The following MRPL38 variants were observed in gnomAD, a reference collection of about 807,000 sequenced individuals.
MRPL38 encodes the protein mitochondrial ribosomal protein L38.
In MRPL38, 51 loss-of-function variants were observed where a neutral mutation model predicts 52.1. That is an observed-to-expected ratio of 0.98 (90% CI 0.78 to 1.24). The LOEUF (loss-of-function observed/expected upper bound fraction) is 1.24. MRPL38 is among the 50% of genes most tolerant of loss of function. MRPL38 has a pLI of 0.00. For synonymous variants in MRPL38, 245 were observed against 212.7 expected, an observed-to-expected ratio of 1.15 and a Z score of -1.32; for missense variants, 527 against 518.6, an observed-to-expected ratio of 1.02 and a Z score of -0.16.
chr17:75,902,105 C>T lies in MRPL38; in HGVS notation c.297G>A (p.Arg99=). 6.3e-7 allele frequency: 1 copy of T among 1,598,224 alleles called. No individual in the cohort carries two copies. Residue 99 remains arginine (R), a synonymous_variant, in exon 3 of 9, where the codon CGG becomes CGA. Coordinates refer to ENST00000309352, the MANE Select transcript of MRPL38 (RefSeq NM_032478.4). ...GTTTCCGTTCCAGTAGCTGTTGGGTCCGGGAGACTTTGGGTGGAGGCAGCC... is the reference window on the plus strand; with the variant it reads ...GTTTCCGTTCCAGTAGCTGTTGGGTTCGGGAGACTTTGGGTGGAGGCAGCC... ...DIGLPPPKVS[R]TQQLLERKQA...
In MRPL38 at chr17:75,898,657, C is replaced by A; in HGVS notation, c.*193G>T. The A allele has an allele frequency of 1.6e-6, 1 of 619,024 alleles. No homozygotes were observed. The allele number at this position is 619,024 out of a possible 1,614,324, so 38.3% of individuals were successfully genotyped here. ...TGAGCCACCAAGCCCGGCAAGAAAT[C>A]ATGTTTATTCACATTCCCCACCCCA... On this transcript the variant is annotated 3_prime_UTR_variant, in exon 9 of 9. Coordinates refer to ENST00000309352, the MANE Select transcript of MRPL38 (RefSeq NM_032478.4).
At position 75,901,711 on chromosome 17, in the gene MRPL38, C is replaced by T; in HGVS notation, c.591+1G>A. 6.2e-7 allele frequency: 1 copy of T among 1,613,616 alleles called. No individual in the cohort carries two copies. Among genetic ancestry groups the T allele is most frequent in the Non-Finnish European group, 8.5e-7 (1 of 1,179,682 alleles). On this transcript the variant is annotated splice_donor_variant, in intron 4 of 8. Coordinates refer to ENST00000309352, the MANE Select transcript of MRPL38 (RefSeq NM_032478.4). LOFTEE classifies it high-confidence loss of function. The surrounding 1 kb of genome is among the most constrained non-coding windows in gnomAD (Gnocchi z 5.7). Reference sequence around the variant, plus strand: ...GAGGAGGGGCACAAGTGAGTGGTTACCTCGGTTGGAGTCACCTCATTGCCA... The same window carrying T: ...GAGGAGGGGCACAAGTGAGTGGTTATCTCGGTTGGAGTCACCTCATTGCCA...
chr17:75,899,709 C>G, intron 6 of MRPL38, 35 bp from the exon 7 acceptor site: 2 of 1,517,054 alleles, frequency 1.3e-6, no homozygotes, highest in Non-Finnish European at 1.8e-6. Flanking sequence ...ATTACCACTC[C>G]AGGGAGGCAG....
chr17:75,899,574 G>A lies in MRPL38; in HGVS notation c.811C>T (p.Leu271=), dbSNP rs1316519004. Reference sequence around the variant, plus strand: ...ATCGGCTGGTCCTGCTTGAAGAGCAGGAAGGCAAGACGGTGGATGCCGGAG... The same window carrying A: ...ATCGGCTGGTCCTGCTTGAAGAGCAAGAAGGCAAGACGGTGGATGCCGGAG... ...RGSGIHRLAF[L]LFKQDQPIDF... Residue 271 remains leucine (L), a synonymous_variant, in exon 7 of 9, where the codon CTG becomes TTG. Transcript: ENST00000309352. The A allele has an allele frequency of 1.2e-6, 2 of 1,608,198 alleles. No individual in the cohort carries two copies. Among genetic ancestry groups the A allele is most frequent in the Non-Finnish European group, 1.7e-6 (2 of 1,176,586 alleles).
chr17:75,902,696 A>C lies in MRPL38; in HGVS notation c.248-542T>G, dbSNP rs556578561. On this transcript the variant is annotated intron_variant, in intron 2 of 8. Transcript: ENST00000309352. Reference sequence around the variant, plus strand: ...ACTTCCCAGACCTGAATAGGATGTAACTGGGAAGCAAATCAGATACAACTT... The same window carrying C: ...ACTTCCCAGACCTGAATAGGATGTACCTGGGAAGCAAATCAGATACAACTT... 1.4e-4 allele frequency among the ~76,000 whole-genome samples: 22 copies of C among 152,330 alleles called. No individual in the cohort carries two copies. The South Asian group carries it at 4.6e-3, about 32-fold the overall frequency.
At chr17:75,904,770 G>GGGGGGGGGCCC in intron 1 of MRPL38, 39 bp downstream of exon 1, 3 of 500,004 alleles carry the variant, frequency 6.0e-6, no homozygotes, top group Non-Finnish European at 5.6e-6. Flanking sequence ...TCGGGCGACA[G>GGGGGGGGGCCC]CCCCCCCCCC....
At position 75,904,519 on chromosome 17, in the gene MRPL38, C is replaced by G. The variant is rs576157151; in HGVS notation, c.247+21G>C. On this transcript the variant is annotated intron_variant, in intron 2 of 8. Coordinates refer to ENST00000309352, the MANE Select transcript of MRPL38 (RefSeq NM_032478.4). ...AGTTCCCCGGGCGGTGGCTGCAGCC[C>G]CTGCTCCAGTCGCCCCGCACCTGTC... 2.0e-4 allele frequency: 295 copies of G among 1,511,784 alleles called. 3 individuals carry two copies. The East Asian group carries it at 6.1e-3, about 31-fold the overall frequency. The allele number at this position is 1,511,784 out of a possible 1,614,324, so 93.6% of individuals were successfully genotyped here.
rs1374898574 is a variant in MRPL38, at chr17:75,902,173, T to C, written c.248-19A>G. ...TTGGGATCTGGAGTGGGAAGATGTG[T>C]GGGAAAAACAGGGTCATGACTCACT... On this transcript the variant is annotated intron_variant, in intron 2 of 8. Coordinates refer to ENST00000309352, the MANE Select transcript of MRPL38 (RefSeq NM_032478.4). 13 of 1,550,714 alleles carry C rather than the reference T, an allele frequency of 8.4e-6. No individual in the cohort carries two copies. In the South Asian group the frequency reaches 1.5e-4, roughly 18 times the overall value.
Position 75,901,386 on chromosome 17 carries a change from C to G in MRPL38, c.592-113G>C. 9.6e-7 allele frequency: 1 copy of G among 1,040,776 alleles called. No homozygotes were observed. The highest frequency in any genetic ancestry group is 1.4e-6 in the Non-Finnish European group (1 of 690,942). The allele number at this position is 1,040,776 out of a possible 1,614,324, so 64.5% of individuals were successfully genotyped here. On this transcript the variant is annotated intron_variant, in intron 4 of 8. Coordinates refer to ENST00000309352, the MANE Select transcript of MRPL38 (RefSeq NM_032478.4). This position sits in a 1 kb window ranked among gnomAD's most constrained non-coding sequence, Gnocchi z 5.7. ...CCCAAAAGCCCTTGACAACCCCTGGCACAGGCAGGCAGGCAAAGGGATGCG... is the reference window on the plus strand; with the variant it reads ...CCCAAAAGCCCTTGACAACCCCTGGGACAGGCAGGCAGGCAAAGGGATGCG...
chr17:75,900,875 C>T, intron 6 of MRPL38, 107 bp downstream of exon 6: 1 of 1,466,000 alleles, frequency 6.8e-7, no homozygotes, highest in Non-Finnish European at 9.0e-7. Flanking sequence ...CAGGTGAATT[C>T]AAGGTCCCAT....
At chr17:75,899,380 G>GC in intron 7 of MRPL38, 86 bp from the exon 8 acceptor site, 1 of 1,533,462 alleles carries the variant, frequency 6.5e-7, no homozygotes, top group Non-Finnish European at 8.8e-7. Flanking sequence ...ACCCTGAGAG[G>GC]CCCCTGGGAG....
intron 6 of MRPL38, chr17:75,899,881 G>C: frequency 2.6e-6 from 1 of 387,468 alleles, no homozygotes; most frequent in Non-Finnish European, 4.5e-6. Flanking sequence ...GCTCCGAGTG[G>C]GGGACAGGGC....
chr17:75,901,108 G>A lies in MRPL38; in HGVS notation c.665-81C>T, dbSNP rs1222011575. 14 of 1,593,618 alleles carry A rather than the reference G, an allele frequency of 8.8e-6. No homozygotes were observed. Among genetic ancestry groups the A allele is most frequent in the African/African-American group, 1.3e-5 (1 of 74,258 alleles). ...CCTCCCTTGTTAGGAGCCAGCGCTGGAGATCTCCACCTGGCCCCTCCCCCA... is the reference window on the plus strand; with the variant it reads ...CCTCCCTTGTTAGGAGCCAGCGCTGAAGATCTCCACCTGGCCCCTCCCCCA... On this transcript the variant is annotated intron_variant, in intron 5 of 8. Coordinates refer to ENST00000309352, the MANE Select transcript of MRPL38 (RefSeq NM_032478.4). The surrounding 1 kb of genome is among the most constrained non-coding windows in gnomAD (Gnocchi z 5.7).
Position 75,898,755 on chromosome 17 carries a change from C to T in MRPL38, c.*95G>A. The T allele has an allele frequency of 6.7e-7, 1 of 1,499,842 alleles. No individual in the cohort carries two copies. The allele number at this position is 1,499,842 out of a possible 1,614,324, so 92.9% of individuals were successfully genotyped here. ...GGCCAAAGAGGGGGGCTGCCTAAGG[C>T]AGGGCCCAGACCCCACAGTGTGGGC... On this transcript the variant is annotated 3_prime_UTR_variant, in exon 9 of 9. Transcript: ENST00000309352.
intron 1 of MRPL38, 35 bp downstream of exon 1, chr17:75,904,774 C>T: frequency 1.4e-5 from 5 of 365,708 alleles, no homozygotes; most frequent in African/African-American, 5.7e-5. Context: ...GCGACAGCCC[C>T]CCCCCCCCCC....
rs1273418057 is a variant in MRPL38 at position 75,902,069 on chromosome 17, C to T, written c.333G>A (p.Gln111=). The T allele has an allele frequency of 1.2e-6, 2 of 1,612,150 alleles. No homozygotes were observed. Among genetic ancestry groups the T allele is most frequent in the South Asian group, 1.1e-5 (1 of 90,404 alleles). ...QQLLERKQAI[Q]ELRANVEEER... Reference sequence around the variant, plus strand: ...CCTCTTCCACATTGGCCCGAAGCTCCTGGATGGCCTGTTTCCGTTCCAGTA... The same window carrying T: ...CCTCTTCCACATTGGCCCGAAGCTCTTGGATGGCCTGTTTCCGTTCCAGTA... The change falls in exon 3 of 9, where the codon CAG becomes CAA. Residue 111 remains glutamine, a synonymous_variant. Coordinates refer to ENST00000309352, the MANE Select transcript of MRPL38 (RefSeq NM_032478.4).
intron 1 of MRPL38, 39 bp downstream of exon 1, chr17:75,904,770 G>GGGGGCCCCCCC: frequency 1.4e-5 from 7 of 500,006 alleles, no homozygotes; most frequent in Non-Finnish European, 2.0e-5. Context: ...TCGGGCGACA[G>GGGGGCCCCCCC]CCCCCCCCCC....
In MRPL38 at chr17:75,901,159, A is replaced by T. The variant is rs750546144; in HGVS notation, c.664+42T>A. The T allele has an allele frequency of 5.0e-6, 8 of 1,609,154 alleles. No individual in the cohort carries two copies. The highest frequency in any genetic ancestry group is 1.7e-4 in the Middle Eastern group (1 of 6,048). On this transcript the variant is annotated intron_variant, in intron 5 of 8. Transcript: ENST00000309352. The surrounding 1 kb of genome is among the most constrained non-coding windows in gnomAD (Gnocchi z 5.7). ...GCCCCCCAGGGCCCTGGCTCATAGG[A>T]GGTGAGCGGGGCAGGAGGCCTGGTG...
chr17:75,904,547 C>G lies in MRPL38; in HGVS notation c.240G>C (p.Glu80Asp). 6.5e-7 allele frequency: 1 copy of G among 1,550,196 alleles called. No individual in the cohort carries two copies. The highest frequency in any genetic ancestry group is 8.6e-7 in the Non-Finnish European group (1 of 1,158,006). Residue 80 changes from glutamate (E) to aspartate (D), a missense_variant, in exon 2 of 9, where the codon GAG (glutamate) becomes GAC (aspartate). By Grantham distance (45) the Glu-to-Asp change is conservative. Transcript: ENST00000309352. ...WWRTYREYFG[E>D]KTDPKEKIDI... ...GCTCCAGTCGCCCCGCACCTGTCTT[C>G]TCCCCGAAATACTCTCGGTAGGTCC...
Sources: gnomAD v4.1 joint callset for allele counts (sites outside exome capture counted in the v4.1 genomes callset) on GRCh38, gnomAD v4.1.1 for gene constraint, Gnocchi (gnomAD v3.1) non-coding constraint, MANE v1.5 for transcripts, NCBI Gene and HGNC (gene_info 2026-07-23, HGNC 2026-07-21) for gene names.